ADGRL3: variants seen among roughly 807,000 people sequenced by gnomAD.
ADGRL3 encodes the protein adhesion G protein-coupled receptor L3.
A neutral mutation model predicts 153.5 loss-of-function variants in ADGRL3; 62 were observed. The ratio of observed to expected loss-of-function variants is 0.40; its 90% CI spans 0.33 to 0.50. The LOEUF (loss-of-function observed/expected upper bound fraction) is 0.50. ADGRL3 is among the 20% of genes least tolerant of loss of function. The probability of loss-of-function intolerance (pLI) is 0.47; values close to 1 mark genes in which losing one functional copy is unlikely to be tolerated. For synonymous variants in ADGRL3, 710 were observed against 672.5 expected (o/e 1.06, Z -0.86); for missense variants, 1,641 against 1,859.4 (o/e 0.88, Z 2.16).
intron 21 of ADGRL3, among the ~76,000 whole-genome samples, chr4:62,019,834 T>C (rs2151365520): frequency 6.6e-6 from 1 of 152,302 alleles, no homozygotes; most frequent in African/African-American, 2.4e-5. Flanking sequence ...AAGCTTTTAC[T>C]AATTTATAAC....
chr4:61,835,406 T>C (rs2097920963), intron 9 of ADGRL3, among the ~76,000 whole-genome samples: 1 of 148,726 alleles, frequency 6.7e-6, no homozygotes, highest in Non-Finnish European at 1.5e-5. Flanking sequence ...AAAAAAAACC[T>C]TTTTCCAGAA....
At chr4:61,909,800 T>TTTAAA in intron 12 of ADGRL3, 55 bp downstream of exon 12, 5 of 1,342,100 alleles carry the variant, frequency 3.7e-6, no homozygotes, top group Non-Finnish European at 4.0e-6. Context: ...TGTGTGTGTG[T>TTTAAA]GTCTTTAAAG....
At chr4:61,705,843 G>A (rs963769982) in intron 6 of ADGRL3, among the ~76,000 whole-genome samples, 1 of 152,124 alleles carries the variant, frequency 6.6e-6, no homozygotes, top group Non-Finnish European at 1.5e-5. Context: ...TTCTGAGCAG[G>A]TCTCAAAAGA....
At chr4:62,019,239 G>A (rs755005539) in intron 21 of ADGRL3, among the ~76,000 whole-genome samples, 64 of 151,922 alleles carry the variant, frequency 4.2e-4, no homozygotes, top group African/African-American at 9.2e-4. Flanking sequence ...AGAATTATTC[G>A]TTGAGTTTTA....
intron 6 of ADGRL3, among the ~76,000 whole-genome samples, chr4:61,718,683 G>T (rs1024466469): frequency 3.9e-5 from 6 of 152,036 alleles, no homozygotes; most frequent in Non-Finnish European, 7.4e-5. Context: ...TGATTTAATT[G>T]GTGAGAAAGT....
intron 2 of ADGRL3, among the ~76,000 whole-genome samples, chr4:61,493,253 A>G (rs2098276607): frequency 6.6e-6 from 1 of 152,042 alleles, no homozygotes; most frequent in Non-Finnish European, 1.5e-5. Flanking sequence ...GGAATGTGAG[A>G]ACGTCACCCT....
chr4:61,438,294 T>A (rs1270751349), intron 2 of ADGRL3, among the ~76,000 whole-genome samples: 1 of 152,032 alleles, frequency 6.6e-6, no homozygotes, highest in African/African-American at 2.4e-5. Flanking sequence ...CTTGAATCAC[T>A]CTATCACTTT....
intron 8 of ADGRL3, among the ~76,000 whole-genome samples, chr4:61,809,841 C>A (rs1259381330): frequency 6.6e-6 from 1 of 151,784 alleles, no homozygotes; most frequent in African/African-American, 2.4e-5. Flanking sequence ...TTACTAAGTA[C>A]TTTTCTGTGT....
chr4:61,371,107 T>C (rs1264535939), intron 1 of ADGRL3, among the ~76,000 whole-genome samples: 3 of 150,228 alleles, frequency 2.0e-5, no homozygotes, highest in Non-Finnish European at 4.5e-5. Flanking sequence ...ATCCTTTTAT[T>C]TTGAGCCTAT....
rs754885643 is a variant in ADGRL3, at chr4:61,497,346, A to G, written c.53A>G (p.His18Arg). 20 of 1,602,110 alleles carry G rather than the reference A, an allele frequency of 1.2e-5. No homozygotes were observed. The highest frequency in any genetic ancestry group is 9.4e-5 in the African/African-American group (7 of 74,334). ...IFMMLLAPII[H>R]GGKHSERHPA... The stretch of plus-strand genomic sequence containing the variant: ...ATGATGCTCTTAGCTCCAATAATTC[A>G]TGGTAAGATTTTTCAGATTTTTGTG... The change falls in exon 3 of 27, where the codon CAT becomes CGT. Residue 18 changes from histidine to arginine, a missense_variant and splice_region_variant. Coordinates refer to ENST00000683033, the MANE Select transcript of ADGRL3 (RefSeq NM_001387552.1).
intron 8 of ADGRL3, among the ~76,000 whole-genome samples, chr4:61,759,906 G>A (rs140615781): frequency 2.0e-5 from 3 of 152,194 alleles, no homozygotes; most frequent in Admixed American, 1.3e-4. Context: ...ACCCTCAGCT[G>A]CAGGTCTGTT....
chr4:61,348,373 G>T, intron 1 of ADGRL3, among the ~76,000 whole-genome samples: 1 of 151,856 alleles, frequency 6.6e-6, no homozygotes, highest in East Asian at 1.9e-4. Flanking sequence ...ATCACAGTGT[G>T]CTTTTTTAAC....
chr4:61,376,859 C>T (rs1467148713), intron 1 of ADGRL3, among the ~76,000 whole-genome samples: 1 of 152,094 alleles, frequency 6.6e-6, no homozygotes, highest in African/African-American at 2.4e-5. Flanking sequence ...CAATCTTCGG[C>T]TAAACTTGAA....
intron 1 of ADGRL3, among the ~76,000 whole-genome samples, chr4:61,368,851 C>T (rs1205824204): frequency 5.3e-5 from 8 of 152,286 alleles, no homozygotes; most frequent in Admixed American, 4.6e-4. Flanking sequence ...TTGATTCTTC[C>T]TACCCATGAG....
intron 9 of ADGRL3, among the ~76,000 whole-genome samples, chr4:61,891,817 C>A (rs531911508): frequency 1.3e-5 from 2 of 152,186 alleles, no homozygotes; most frequent in African/African-American, 4.8e-5. Context: ...TCTTGCATTT[C>A]CATGATGAGA....
At position 61,527,602 on chromosome 4, in the gene ADGRL3, C is replaced by T. The variant is rs186054821; in HGVS notation, c.259+10084C>T. 4.4e-3 allele frequency among the ~76,000 whole-genome samples: 671 copies of T among 152,020 alleles called. 4 individuals carry two copies. Among genetic ancestry groups the T allele is most frequent in the African/African-American group, 0.015 (639 of 41,482 alleles). On this transcript the variant is annotated intron_variant, in intron 4 of 26. Coordinates refer to ENST00000683033, the MANE Select transcript of ADGRL3 (RefSeq NM_001387552.1). ...TCTACTTTAGATTAACTGTGAATGC[C>T]CCTTAGGTTTTTGTTGTAGTTCAGA...
At chr4:61,489,180 A>G (rs1163992254) in intron 2 of ADGRL3, among the ~76,000 whole-genome samples, 4 of 151,950 alleles carry the variant, frequency 2.6e-5, no homozygotes, top group Non-Finnish European at 4.4e-5. Flanking sequence ...AGATGTGAAC[A>G]TTAGGGTATA....
intron 13 of ADGRL3, among the ~76,000 whole-genome samples, chr4:61,912,965 G>A (rs1405347193): frequency 6.6e-6 from 1 of 152,132 alleles, no homozygotes; most frequent in African/African-American, 2.4e-5. Context: ...AGAAGGAGGT[G>A]CAACTTGAGG....
Position 61,946,929 on chromosome 4 carries a change from C to G in ADGRL3, c.2435C>G (p.Ala812Gly), listed in dbSNP as rs371598174. The change falls in exon 16 of 27, where the codon GCC becomes GGC. Residue 812 changes from alanine to glycine, a missense_variant. Transcript: ENST00000683033. ...TTTACTTTAGGAGAGATCAGAGTGG[C>G]CTTTGTCCTGTATAACAACTTGGGT... The part of the protein sequence containing the change: ...QNGRNGEIRV[A>G]FVLYNNLGPY... 3 of 1,613,634 alleles carry G rather than the reference C, an allele frequency of 1.9e-6. No individual in the cohort carries two copies. The highest frequency in any genetic ancestry group is 1.1e-5 in the South Asian group (1 of 91,074).
Sources: allele counts gnomAD v4.1 joint callset (sites outside exome capture counted in the v4.1 genomes callset), GRCh38; gene constraint gnomAD v4.1.1; transcripts MANE v1.5; gene names NCBI Gene and HGNC (gene_info 2026-07-23, HGNC 2026-07-21).